GHRHR: variants seen among roughly 807,000 people sequenced by gnomAD.
GHRHR encodes the protein growth hormone releasing hormone receptor.
In GHRHR, 40 loss-of-function variants were observed where a neutral mutation model predicts 58.3. That is an observed-to-expected ratio of 0.69 (90% CI 0.53 to 0.89). The LOEUF (loss-of-function observed/expected upper bound fraction) is 0.89. Ranked by LOEUF, GHRHR falls within the 40% of genes least tolerant of loss-of-function variation. The pLI is 0.00. For missense variants in GHRHR, 551 were observed against 541.3 expected, an observed-to-expected ratio of 1.02 and a Z score of -0.18; for synonymous variants, 249 against 216.6, an observed-to-expected ratio of 1.15 and a Z score of -1.31.
At chr7:30,968,596 T>TC (rs1792403544) in intron 1 of GHRHR, among the ~76,000 whole-genome samples, 1 of 114,002 alleles carries the variant, frequency 8.8e-6, no homozygotes, top group African/African-American at 4.7e-5. Flanking sequence ...GACCTTCTGT[T>TC]CCTCCCTCTC....
rs550469546 is a variant in GHRHR at position 30,979,162 on chromosome 7, A to C, written c.1190A>C (p.Glu397Ala). ...CGGAAGTGGCATGGCCATGACCCTGAGCTTCTGCCAGCCTGGAGGACCCGT... is the reference window on the plus strand; with the variant it reads ...CGGAAGTGGCATGGCCATGACCCTGCGCTTCTGCCAGCCTGGAGGACCCGT... Reference protein sequence around the residue: ...ISRKWHGHDPELLPAWRTRAK... With the variant: ...ISRKWHGHDPALLPAWRTRAK... Residue 397 changes from glutamate (E) to alanine (A), a missense_variant, in exon 13 of 13, where the codon GAG (glutamate) becomes GCG (alanine). Glu to Ala is a moderately radical substitution (Grantham distance 107). Transcript: ENST00000326139. The C allele has an allele frequency of 6.2e-7, 1 of 1,613,690 alleles. No individual in the cohort carries two copies. Among genetic ancestry groups the C allele is most frequent in the East Asian group, 2.2e-5 (1 of 44,864 alleles).
chr7:30,976,856 C>A (rs1427779617), intron 11 of GHRHR, among the ~76,000 whole-genome samples: 14 of 151,154 alleles, frequency 9.3e-5, no homozygotes, highest in African/African-American at 2.9e-4. Flanking sequence ...ATCCACTCAC[C>A]TAACCACCTA....
Position 30,974,680 on chromosome 7 carries a change from A to G in GHRHR, c.812+191A>G, listed in dbSNP as rs958193643. Among the ~76,000 whole-genome samples the G allele has an allele frequency of 2.0e-4, 30 of 151,834 alleles. 1 individual carries two copies. The highest frequency in any genetic ancestry group is 4.4e-5 in the Non-Finnish European group (3 of 67,962). ...AGCCAGGCAGGAGAGTGGAGCTCAG[A>G]TTCCCAGGGCTGTGGGGCTGGGGGA... On this transcript the variant is annotated intron_variant, in intron 8 of 12. Coordinates refer to ENST00000326139, the MANE Select transcript of GHRHR (RefSeq NM_000823.4).
intron 1 of GHRHR, 36 bp from the exon 2 acceptor site, chr7:30,968,798 A>G: frequency 6.8e-7 from 1 of 1,462,342 alleles, no homozygotes; most frequent in South Asian, 1.1e-5. Context: ...AAGACACCCA[A>G]ATGGCTTGGC....
At chr7:30,975,700 T>C in intron 9 of GHRHR, 77 bp from the exon 10 acceptor site, 1 of 810,976 alleles carries the variant, frequency 1.2e-6, no homozygotes, top group Admixed American at 1.7e-5. Context: ...AGTCCCCAAA[T>C]GGGCTGGGGC....
At position 30,963,982 on chromosome 7, in the gene GHRHR, G is replaced by A. The variant is rs1792285798; in HGVS notation, c.-87G>A. The A allele has an allele frequency of 7.9e-7, 1 of 1,265,370 alleles. No homozygotes were observed. Among genetic ancestry groups the A allele is most frequent in the African/African-American group, 1.5e-5 (1 of 67,724 alleles). 78.4% of individuals were successfully genotyped at this position (1,265,370 alleles called of 1,614,324 possible). Reference sequence around the variant, plus strand: ...GAGAAGGGGAAGCAGAGGGTGCGGTGGAAACGGCTGTGTCAGGGGACAGCA... The same window carrying A: ...GAGAAGGGGAAGCAGAGGGTGCGGTAGAAACGGCTGTGTCAGGGGACAGCA... On this transcript the variant is annotated 5_prime_UTR_variant, in exon 1 of 13. Coordinates refer to ENST00000326139, the MANE Select transcript of GHRHR (RefSeq NM_000823.4).
intron 4 of GHRHR, 54 bp from the exon 5 acceptor site, chr7:30,971,065 C>T (rs549999412): frequency 3.7e-6 from 3 of 804,764 alleles, no homozygotes; most frequent in Admixed American, 4.0e-5. Flanking sequence ...TCAAGCCTCT[C>T]TTTCCTCCAA....
Position 30,969,050 on chromosome 7 carries a change from G to GCTCT in GHRHR, c.161-10_161-7dup. 1 of 1,572,572 alleles carries GCTCT rather than the reference G, an allele frequency of 6.4e-7. No individual in the cohort carries two copies. Among genetic ancestry groups the GCTCT allele is most frequent in the Non-Finnish European group, 8.6e-7 (1 of 1,156,630 alleles). ...CTGGGCTGAGTCTCTGCTGCTCCTGGCTCTCTATCCAGGCTGCCCTGCGAC... is the reference window on the plus strand; with the variant it reads ...CTGGGCTGAGTCTCTGCTGCTCCTGGCTCTCTCTCTATCCAGGCTGCCCTGCGAC... On this transcript the variant is annotated splice_polypyrimidine_tract_variant and intron_variant, in intron 2 of 12. Transcript: ENST00000326139.
chr7:30,974,497 G>A lies in GHRHR; in HGVS notation c.812+8G>A, dbSNP rs566313031. 245 of 1,603,594 alleles carry A rather than the reference G, an allele frequency of 1.5e-4. 2 individuals are homozygous for A. The South Asian group carries it at 2.3e-3, about 15-fold the overall frequency. Reference sequence around the variant, plus strand: ...GGCCTTCGAGGACATCGCGTGAGTCGGAGCGGCCACCTTGTCATACCCGCT... The same window carrying A: ...GGCCTTCGAGGACATCGCGTGAGTCAGAGCGGCCACCTTGTCATACCCGCT... On this transcript the variant is annotated splice_region_variant and intron_variant, in intron 8 of 12. Coordinates refer to ENST00000326139, the MANE Select transcript of GHRHR (RefSeq NM_000823.4).
chr7:30,974,482 G>T lies in GHRHR; in HGVS notation c.805G>T (p.Asp269Tyr). ...TWVSCKLAFE[D>Y]IACWDLDDTS... The stretch of plus-strand genomic sequence containing the variant: ...GGTGAGCTGCAAACTGGCCTTCGAG[G>T]ACATCGCGTGAGTCGGAGCGGCCAC... Residue 269 changes from aspartate to tyrosine, a missense_variant, in exon 8 of 13, where the codon GAC becomes TAC. By Grantham distance (160) the Asp-to-Tyr change is radical. Coordinates refer to ENST00000326139, the MANE Select transcript of GHRHR (RefSeq NM_000823.4). 6.2e-7 allele frequency: 1 copy of T among 1,611,196 alleles called. No individual in the cohort carries two copies. The highest frequency in any genetic ancestry group is 8.5e-7 in the Non-Finnish European group (1 of 1,177,282).
rs866696630 is a variant in GHRHR at position 30,970,048 on chromosome 7, C to G, written c.366+84C>G. The G allele has an allele frequency of 2.5e-4, 198 of 782,044 alleles. 3 individuals carry two copies. The Middle Eastern group carries it at 4.8e-3, about 19-fold the overall frequency. 48.4% of individuals were successfully genotyped at this position (782,044 alleles called of 1,614,324 possible). A position where few individuals can be genotyped will look rare whatever the true frequency, so the allele number is the denominator to read the frequency against. Reference sequence around the variant, plus strand: ...GCACAACTGTAGGGGCCGCCATTCTCTAGCCTGCAGATTGGAATACTACTT... The same window carrying G: ...GCACAACTGTAGGGGCCGCCATTCTGTAGCCTGCAGATTGGAATACTACTT... On this transcript the variant is annotated intron_variant, in intron 4 of 12. Coordinates refer to ENST00000326139, the MANE Select transcript of GHRHR (RefSeq NM_000823.4).
chr7:30,966,525 CTG>C (rs899449434), intron 1 of GHRHR, among the ~76,000 whole-genome samples: 2 of 152,144 alleles, frequency 1.3e-5, no homozygotes, highest in African/African-American at 4.8e-5. Flanking sequence ...CTTCTCCCCA[CTG>C]TGTGTGTCTG....
chr7:30,976,326 C>A, intron 10 of GHRHR, 103 bp from the exon 11 acceptor site: 2 of 1,095,096 alleles, frequency 1.8e-6, no homozygotes, highest in Non-Finnish European at 2.8e-6. Flanking sequence ...GTGGCTGTTC[C>A]ACAGAGTGGA....
intron 5 of GHRHR, 40 bp downstream of exon 5, chr7:30,971,256 C>A: frequency 1.1e-6 from 1 of 879,308 alleles, no homozygotes; most frequent in Non-Finnish European, 1.9e-6. Flanking sequence ...CCTTCCTTGG[C>A]TCCTTATTTC....
At chr7:30,967,391 C>A (rs1428230662) in intron 1 of GHRHR, among the ~76,000 whole-genome samples, 1 of 152,220 alleles carries the variant, frequency 6.6e-6, no homozygotes, top group Non-Finnish European at 1.5e-5. Context: ...CCCAAAAAAA[C>A]CCCAACTTGT....
intron 3 of GHRHR, chr7:30,969,578 C>T (rs1584412016): frequency 2.5e-5 from 15 of 603,990 alleles, no homozygotes; most frequent in South Asian, 2.2e-4. Flanking sequence ...CCTCTTTTCT[C>T]CCTACTGCCC....
intron 3 of GHRHR, chr7:30,969,638 A>C: frequency 1.6e-6 from 1 of 622,554 alleles, no homozygotes. Context: ...CAGGGGAATA[A>C]TCCTCTTTGT....
At chr7:30,974,355 G>T (rs1053346532) in intron 7 of GHRHR, 74 bp from the exon 8 acceptor site, 3 of 1,196,126 alleles carry the variant, frequency 2.5e-6, no homozygotes, top group South Asian at 1.2e-5. Flanking sequence ...TGATGGTGGT[G>T]GTGGGAGGTG....
rs780559231 is a variant in GHRHR at position 30,974,968 on chromosome 7, C to T, written c.813-3C>T. ...ACAACGGCCTTCTTTCCTCTCTCCC[C>T]AGGTGCTGGGACCTGGACGACACCT... On this transcript the variant is annotated splice_polypyrimidine_tract_variant and splice_region_variant and intron_variant, in intron 8 of 12. Coordinates refer to ENST00000326139, the MANE Select transcript of GHRHR (RefSeq NM_000823.4). 1.9e-6 allele frequency: 3 copies of T among 1,606,182 alleles called. No individual in the cohort carries two copies. The highest frequency in any genetic ancestry group is 2.2e-5 in the South Asian group (2 of 90,888).
Sources: gnomAD v4.1 joint callset for allele counts (sites outside exome capture counted in the v4.1 genomes callset) on GRCh38, gnomAD v4.1.1 for gene constraint, MANE v1.5 for transcripts, NCBI Gene and HGNC (gene_info 2026-07-23, HGNC 2026-07-21) for gene names.